Variants in COL4A3 observed in about 807,000 individuals in gnomAD.
COL4A3 encodes the protein collagen alpha-3(IV) chain.
COL4A3 carries 135 observed loss-of-function variants against 217.4 expected under a neutral mutation model. The observed-to-expected ratio is 0.62, with a 90% CI of 0.54 to 0.72. The LOEUF (loss-of-function observed/expected upper bound fraction) is 0.72. Ranked by LOEUF, COL4A3 falls within the 30% of genes least tolerant of loss-of-function variation. COL4A3 has a pLI of 0.00. For missense variants in COL4A3, 1,868 were observed against 2,119.9 expected (o/e 0.88, Z 2.33); for synonymous variants, 690 against 736.3 (o/e 0.94, Z 1.02).
intron 1 of COL4A3, among the ~76,000 whole-genome samples, chr2:227,204,798 C>G (rs956242573): frequency 1.1e-4 from 16 of 152,142 alleles, no homozygotes; most frequent in African/African-American, 3.9e-4. Context: ...GTATCTGGAT[C>G]CTCAGAACAA....
In COL4A3 at chr2:227,283,606, G is replaced by A. The variant is rs956200913; in HGVS notation, c.2657-161G>A. 5.3e-5 allele frequency among the ~76,000 whole-genome samples: 8 copies of A among 152,204 alleles called. No individual in the cohort carries two copies. The East Asian group carries it at 1.5e-3, about 29-fold the overall frequency. On this transcript the variant is annotated intron_variant, in intron 32 of 51. Coordinates refer to ENST00000396578, the MANE Select transcript of COL4A3 (RefSeq NM_000091.5). ...AGGTGAGTTTAAAAGACCACTTACC[G>A]ACCCATCTCCTAGACTAATACAGTA...
intron 50 of COL4A3, among the ~76,000 whole-genome samples, chr2:227,309,528 T>G (rs921554652): frequency 2.2e-4 from 34 of 152,158 alleles, no homozygotes; most frequent in African/African-American, 8.0e-4. Flanking sequence ...CAGGAGGAGA[T>G]TACCTACAAA....
intron 1 of COL4A3, among the ~76,000 whole-genome samples, chr2:227,220,675 A>G (rs1296080073): frequency 1.3e-5 from 2 of 151,624 alleles, no homozygotes; most frequent in Non-Finnish European, 2.9e-5. Flanking sequence ...TATGTTGCAT[A>G]GGCTGGTCTC....
At position 227,280,989 on chromosome 2, in the gene COL4A3, G is replaced by A; in HGVS notation, c.2471G>A (p.Gly824Glu). ...GCCCAAGGACTTCCAGGCTTAAATG[G>A]ATTGAAAGGGCAACAAGGTAGGAGG... ...RGAQGLPGLN[G>E]LKGQQGRRGK... Residue 824 changes from glycine to glutamate, a missense_variant, in exon 31 of 52, where the codon GGA (glycine) becomes GAA (glutamate). Around this residue, in one of 2 missense-constraint regions of COL4A3, gnomAD observed 1,503 missense variants for 1,786.1 expected, o/e 0.84. Coordinates refer to ENST00000396578, the MANE Select transcript of COL4A3 (RefSeq NM_000091.5). The A allele has an allele frequency of 6.4e-7, 1 of 1,562,132 alleles. No homozygotes were observed. The highest frequency in any genetic ancestry group is 8.7e-7 in the Non-Finnish European group (1 of 1,152,496).
At chr2:227,256,318 C>A in intron 16 of COL4A3, 25 bp from the exon 17 acceptor site, 4 of 1,611,226 alleles carry the variant, frequency 2.5e-6, no homozygotes, top group Non-Finnish European at 3.4e-6. Context: ...TCTTCTGACC[C>A]ATTTCTTTTT....
At chr2:227,179,360 AAATGATG>A (rs1431195984) in intron 1 of COL4A3, among the ~76,000 whole-genome samples, 6 of 152,248 alleles carry the variant, frequency 3.9e-5, no homozygotes, top group Non-Finnish European at 8.8e-5. Flanking sequence ...TTGAGTTTTA[AAATGATG>A]AATGCTTCAT....
intron 16 of COL4A3, 106 bp downstream of exon 16, chr2:227,256,176 C>T: frequency 4.7e-6 from 6 of 1,279,358 alleles, no homozygotes; most frequent in Non-Finnish European, 5.7e-6. Flanking sequence ...AAAAAGCTTA[C>T]AGCTTTTAAA....
At position 227,251,388 on chromosome 2, in the gene COL4A3, A is replaced by G. The variant is rs2125925152; in HGVS notation, c.645+17A>G. 2 of 1,611,160 alleles carry G rather than the reference A, an allele frequency of 1.2e-6. No individual in the cohort carries two copies. The highest frequency in any genetic ancestry group is 1.7e-6 in the Non-Finnish European group (2 of 1,178,906). ...GGACCTAAGGTAGACTACAGTTCATATGATGTAACAGCTAGCACACCCTAC... is the reference window on the plus strand; with the variant it reads ...GGACCTAAGGTAGACTACAGTTCATGTGATGTAACAGCTAGCACACCCTAC... On this transcript the variant is annotated intron_variant, in intron 11 of 51. Transcript: ENST00000396578.
At chr2:227,222,717 G>A (rs1251458602) in intron 1 of COL4A3, among the ~76,000 whole-genome samples, 1 of 152,142 alleles carries the variant, frequency 6.6e-6, no homozygotes, top group Non-Finnish European at 1.5e-5. Flanking sequence ...ACTCAGCCAA[G>A]CAAGGTCAGA....
chr2:227,243,272 G>A (rs1318755501), intron 3 of COL4A3, among the ~76,000 whole-genome samples: 1 of 152,114 alleles, frequency 6.6e-6, no homozygotes. Flanking sequence ...AGCATGTAAG[G>A]CTTACAGATA....
intron 1 of COL4A3, among the ~76,000 whole-genome samples, chr2:227,235,937 C>G (rs1364082663): frequency 2.0e-5 from 3 of 152,000 alleles, no homozygotes; most frequent in African/African-American, 7.3e-5. Context: ...CCACATCTGA[C>G]TAATTTTTGT....
At position 227,298,242 on chromosome 2, in the gene COL4A3, C is replaced by T. The variant is rs113267283; in HGVS notation, c.3751+383C>T. Reference sequence around the variant, plus strand: ...TGGTGCATGCCTGTAATACCGGCAACTCAGGAGGCTGAGATGGGAGAACCT... The same window carrying T: ...TGGTGCATGCCTGTAATACCGGCAATTCAGGAGGCTGAGATGGGAGAACCT... On this transcript the variant is annotated intron_variant, in intron 42 of 51. Coordinates refer to ENST00000396578, the MANE Select transcript of COL4A3 (RefSeq NM_000091.5). 1.0e-2 allele frequency among the ~76,000 whole-genome samples: 1,515 copies of T among 152,234 alleles called. 11 individuals carry two copies. The highest frequency in any genetic ancestry group is 0.016 in the Non-Finnish European group (1,067 of 68,008).
intron 1 of COL4A3, among the ~76,000 whole-genome samples, chr2:227,210,790 T>G (rs2067288621): frequency 6.6e-6 from 1 of 152,218 alleles, no homozygotes; most frequent in Non-Finnish European, 1.5e-5. Context: ...TTACCTATTT[T>G]CTTATTTTTC....
At chr2:227,171,102 C>T (rs1342070830) in intron 1 of COL4A3, among the ~76,000 whole-genome samples, 1 of 152,180 alleles carries the variant, frequency 6.6e-6, no homozygotes, top group Non-Finnish European at 1.5e-5. Context: ...TGAATACCCA[C>T]ATAAAGACCA....
At chr2:227,165,182 GAATCA>G (rs1384919249) in intron 1 of COL4A3, among the ~76,000 whole-genome samples, 3 of 152,010 alleles carry the variant, frequency 2.0e-5, no homozygotes, top group Non-Finnish European at 2.9e-5. Context: ...TCACGCTGGT[GAATCA>G]AATCAAGCAG....
At chr2:227,254,024 T>G (rs754689846) in intron 13 of COL4A3, 88 bp from the exon 14 acceptor site, 11 of 1,224,236 alleles carry the variant, frequency 9.0e-6, no homozygotes, top group Non-Finnish European at 1.3e-5. Context: ...ACCCAGTTTA[T>G]TGAACAGATA....
In COL4A3 at chr2:227,297,720, C is replaced by T; in HGVS notation, c.3612C>T (p.Gly1204=). 6.2e-7 allele frequency: 1 copy of T among 1,608,568 alleles called. No individual in the cohort carries two copies. Among genetic ancestry groups the T allele is most frequent in the Non-Finnish European group, 8.5e-7 (1 of 1,178,100 alleles). Residue 1204 remains glycine (G), a synonymous_variant, in exon 42 of 52, where the codon GGC becomes GGT. Transcript: ENST00000396578. ...RGAPGFPGLP[G]RKGAMGDAGP... is the part of the protein sequence containing the mutation. ...CCCCAGGTTTTCCTGGCCTCCCGGG[C>T]AGAAAAGGGGCCATGGGAGATGCTG...
At chr2:227,240,090 T>C (rs754344876) in intron 2 of COL4A3, 53 bp from the exon 3 acceptor site, 47 of 1,371,460 alleles carry the variant, frequency 3.4e-5, no homozygotes, top group Non-Finnish European at 4.3e-5. Context: ...GGTGTGTTTA[T>C]TGTGGGATAG....
At chr2:227,196,195 A>T (rs1401657720) in intron 1 of COL4A3, among the ~76,000 whole-genome samples, 2 of 152,160 alleles carry the variant, frequency 1.3e-5, no homozygotes, top group Admixed American at 1.3e-4. Flanking sequence ...AGTCTACAGG[A>T]GTGTACGATA....
Sources: allele counts gnomAD v4.1 joint callset (sites outside exome capture counted in the v4.1 genomes callset), GRCh38; gene constraint gnomAD v4.1.1; regional missense constraint gnomAD v4.1.1; transcripts MANE v1.5; gene names NCBI Gene and HGNC (gene_info 2026-07-23, HGNC 2026-07-21).